The following PIBF1 variants were observed in gnomAD, a reference collection of about 807,000 sequenced individuals.
PIBF1 encodes progesterone immunomodulatory binding factor 1, also known as progesterone-induced-blocking factor 1.
A neutral mutation model predicts 112.5 loss-of-function variants in PIBF1; 90 were observed. The observed-to-expected ratio is 0.80, with a 90% CI of 0.67 to 0.95. PIBF1 has a LOEUF of 0.95. Ranked by LOEUF, PIBF1 falls within the 40% of genes least tolerant of loss-of-function variation. PIBF1 has a pLI of 0.00. For missense variants in PIBF1, 915 were observed against 852.3 expected (o/e 1.07, Z -0.92); for synonymous variants, 301 against 288.6 (o/e 1.04, Z -0.44).
chr13:72,917,447 G>A (rs2041142834), intron 13 of PIBF1, among the ~76,000 whole-genome samples: 1 of 151,382 alleles, frequency 6.6e-6, no homozygotes, highest in South Asian at 2.1e-4. Flanking sequence ...AGCTACAAAT[G>A]CTTTGTATCA....
At chr13:72,894,763 T>A (rs1304058138) in intron 11 of PIBF1, among the ~76,000 whole-genome samples, 2 of 120,146 alleles carry the variant, frequency 1.7e-5, no homozygotes, top group Non-Finnish European at 3.3e-5. Flanking sequence ...ATATATTATA[T>A]ATATATATAG....
At chr13:72,919,208 C>G (rs980597125) in intron 13 of PIBF1, among the ~76,000 whole-genome samples, 17 of 151,652 alleles carry the variant, frequency 1.1e-4, no homozygotes, top group Admixed American at 6.6e-5. Context: ...AATGATGTAT[C>G]CTCATTAATA....
At chr13:72,988,114 G>A (rs937516390) in intron 16 of PIBF1, among the ~76,000 whole-genome samples, 1 of 151,834 alleles carries the variant, frequency 6.6e-6, no homozygotes, top group African/African-American at 2.4e-5. Context: ...ACCCGCCTCT[G>A]CCTCCTAAAA....
intron 16 of PIBF1, among the ~76,000 whole-genome samples, chr13:72,982,752 A>C (rs140916778): frequency 6.6e-6 from 1 of 152,354 alleles, no homozygotes; most frequent in African/African-American, 2.4e-5. Context: ...TCATCAAAAA[A>C]TAAGTGTCAC....
rs2036398397 is a variant in PIBF1, at chr13:72,818,577, A to C, written c.673-3272A>C. ...TTATGTTTTACCATTGTCTGCTTTCAACTTGTCTTTAACAGAATTTCCAAT... is the reference window on the plus strand; with the variant it reads ...TTATGTTTTACCATTGTCTGCTTTCCACTTGTCTTTAACAGAATTTCCAAT... On this transcript the variant is annotated intron_variant, in intron 5 of 17. Transcript: ENST00000326291. 2.0e-5 allele frequency among the ~76,000 whole-genome samples: 3 copies of C among 151,660 alleles called. No homozygotes were observed. The South Asian group carries it at 6.2e-4, about 31-fold the overall frequency.
chr13:72,852,490 C>T (rs1392776388), intron 9 of PIBF1, among the ~76,000 whole-genome samples: 1 of 152,198 alleles, frequency 6.6e-6, no homozygotes, highest in Non-Finnish European at 1.5e-5. Flanking sequence ...GGCTTGCCCT[C>T]AGCAGGTGTG....
chr13:72,826,479 G>GTAA (rs1328080069), intron 6 of PIBF1, among the ~76,000 whole-genome samples: 1 of 152,088 alleles, frequency 6.6e-6, no homozygotes, highest in African/African-American at 2.4e-5. Flanking sequence ...GTGTGTTGTA[G>GTAA]GTTTTAGTCC....
intron 2 of PIBF1, among the ~76,000 whole-genome samples, chr13:72,791,057 G>GTT (rs1338772302): frequency 6.6e-6 from 1 of 151,886 alleles, no homozygotes; most frequent in Non-Finnish European, 1.5e-5. Context: ...TTGTTTGTTT[G>GTT]TTTGTTTGTT....
chr13:72,792,543 G>T lies in PIBF1; in HGVS notation c.349G>T (p.Ala117Ser). ...CCAATTGGCTTTTCAACAGAAAGAT[G>T]CCAGGTAAGAAAAGTTTTTTTTAAA... ...DNQLAFQQKD[A>S]SKYQELMKQE... Residue 117 changes from alanine (A) to serine (S), a missense_variant, in exon 3 of 18, where the codon GCC becomes TCC. Ala to Ser is a moderately conservative substitution (Grantham distance 99, BLOSUM62 1). Coordinates refer to ENST00000326291, the MANE Select transcript of PIBF1 (RefSeq NM_006346.4). 6.7e-7 allele frequency: 1 copy of T among 1,498,834 alleles called. No homozygotes were observed. Among genetic ancestry groups the T allele is most frequent in the South Asian group, 1.3e-5 (1 of 77,708 alleles). The allele number at this position is 1,498,834 out of a possible 1,614,324, so 92.8% of individuals were successfully genotyped here.
chr13:72,986,832 A>G (rs947931110), intron 16 of PIBF1, among the ~76,000 whole-genome samples: 31 of 151,970 alleles, frequency 2.0e-4, no homozygotes, highest in Non-Finnish European at 3.7e-4. Flanking sequence ...CTGGGACTAC[A>G]GGCGCCCGCC....
intron 6 of PIBF1, among the ~76,000 whole-genome samples, chr13:72,822,223 C>T (rs940420059): frequency 6.6e-6 from 1 of 152,070 alleles, no homozygotes; most frequent in African/African-American, 2.4e-5. Flanking sequence ...AGTAAAATCA[C>T]ACGTGTGTAA....
intron 14 of PIBF1, among the ~76,000 whole-genome samples, chr13:72,947,738 A>T (rs1436899864): frequency 6.6e-6 from 1 of 152,222 alleles, no homozygotes; most frequent in African/African-American, 2.4e-5. Flanking sequence ...ATCATTGGGT[A>T]TATACCCAAA....
intron 3 of PIBF1, among the ~76,000 whole-genome samples, chr13:72,795,141 TTAA>T (rs1253082628): frequency 6.6e-6 from 1 of 152,218 alleles, no homozygotes; most frequent in East Asian, 1.9e-4. Flanking sequence ...AATTCTCTGT[TTAA>T]TAATTTATAT....
chr13:72,921,837 A>G (rs1351236849), intron 13 of PIBF1, among the ~76,000 whole-genome samples: 1 of 152,208 alleles, frequency 6.6e-6, no homozygotes, highest in Non-Finnish European at 1.5e-5. Flanking sequence ...AGTAAATTAC[A>G]TAGTTAATTT....
chr13:72,791,467 A>T (rs1593891357), intron 2 of PIBF1, among the ~76,000 whole-genome samples: 1 of 152,318 alleles, frequency 6.6e-6, no homozygotes, highest in East Asian at 1.9e-4. Flanking sequence ...AAAGCACAGC[A>T]TACTTGGGGG....
rs537749140 is a variant in PIBF1, at chr13:72,879,110, A to G, written c.1323-14674A>G. Among the ~76,000 whole-genome samples, 102 of 152,318 alleles carry G rather than the reference A, an allele frequency of 6.7e-4. 1 individual carries two copies. Among genetic ancestry groups the G allele is most frequent in the African/African-American group, 2.3e-3 (96 of 41,580 alleles). ...ATGTGATTATTGATACACTGTAGGTAGATTTGCAGCTACCATATTTATTAC... is the reference window on the plus strand; with the variant it reads ...ATGTGATTATTGATACACTGTAGGTGGATTTGCAGCTACCATATTTATTAC... On this transcript the variant is annotated intron_variant, in intron 10 of 17. Coordinates refer to ENST00000326291, the MANE Select transcript of PIBF1 (RefSeq NM_006346.4).
intron 11 of PIBF1, among the ~76,000 whole-genome samples, chr13:72,903,742 T>A (rs1026814230): frequency 6.6e-6 from 1 of 152,162 alleles, no homozygotes; most frequent in Non-Finnish European, 1.5e-5. Flanking sequence ...CTTAGTTTTA[T>A]CATAAAAGAA....
At chr13:72,888,341 A>C (rs968716836) in intron 10 of PIBF1, among the ~76,000 whole-genome samples, 4 of 152,180 alleles carry the variant, frequency 2.6e-5, no homozygotes, top group Non-Finnish European at 4.4e-5. Flanking sequence ...TATGCATAGC[A>C]AACATTTATA....
At chr13:73,007,633 A>G (rs374731604) in intron 17 of PIBF1, among the ~76,000 whole-genome samples, 1 of 152,072 alleles carries the variant, frequency 6.6e-6, no homozygotes, top group African/African-American at 2.4e-5. Context: ...AACATGGAGA[A>G]ACCCCATCTC....
Sources: gnomAD v4.1 joint callset for allele counts (sites outside exome capture counted in the v4.1 genomes callset) on GRCh38, gnomAD v4.1.1 for gene constraint, MANE v1.5 for transcripts, NCBI Gene and HGNC (gene_info 2026-07-23, HGNC 2026-07-21) for gene names.